SDK1: variants seen among roughly 807,000 people sequenced by gnomAD.
The protein encoded by SDK1 is protein sidekick-1.
SDK1 carries 157 observed loss-of-function variants against 245.5 expected under a neutral mutation model. The ratio of observed to expected loss-of-function variants is 0.64; its 90% CI spans 0.56 to 0.73. SDK1 has a LOEUF of 0.73. SDK1 is among the 30% of genes least tolerant of loss of function. The pLI is 0.00. For synonymous variants in SDK1, 1,647 were observed against 1,278.5 expected (o/e 1.29, Z -6.15); for missense variants, 3,583 against 3,002.3 (o/e 1.19, Z -4.52).
At chr7:3,734,569 C>G (rs900140348) in intron 4 of SDK1, among the ~76,000 whole-genome samples, 17 of 152,244 alleles carry the variant, frequency 1.1e-4, no homozygotes, top group African/African-American at 3.6e-4. Flanking sequence ...GTTCAAGATA[C>G]TATCTAAGAT....
chr7:3,434,547 G>A (rs188346540), intron 1 of SDK1, among the ~76,000 whole-genome samples: 1 of 152,190 alleles, frequency 6.6e-6, no homozygotes, highest in African/African-American at 2.4e-5. Context: ...AGCTCCTTAA[G>A]TATTATCTCC....
chr7:3,626,107 C>G (rs1782112258), intron 2 of SDK1, among the ~76,000 whole-genome samples: 3 of 149,606 alleles, frequency 2.0e-5, no homozygotes, highest in South Asian at 2.1e-4. Flanking sequence ...CCACAACTAG[C>G]TATTTTTTTT....
chr7:4,226,558 G>A (rs1460070260), intron 40 of SDK1, among the ~76,000 whole-genome samples: 5 of 152,226 alleles, frequency 3.3e-5, no homozygotes, highest in African/African-American at 1.2e-4. Context: ...AATGAAATTA[G>A]CACCAGGCTA....
chr7:3,543,328 G>C (rs1460424168), intron 1 of SDK1, among the ~76,000 whole-genome samples: 2 of 152,236 alleles, frequency 1.3e-5, no homozygotes, highest in Admixed American at 1.3e-4. Flanking sequence ...TCTGTTTCAT[G>C]GACGCGATCA....
intron 13 of SDK1, 53 bp downstream of exon 13, chr7:3,974,598 T>C: frequency 2.6e-6 from 4 of 1,560,940 alleles, no homozygotes; most frequent in Non-Finnish European, 3.5e-6. Flanking sequence ...TCCGTTACTG[T>C]GCCCCTGTTA....
At chr7:3,529,613 G>GA (rs1390943168) in intron 1 of SDK1, among the ~76,000 whole-genome samples, 103 of 152,162 alleles carry the variant, frequency 6.8e-4, no homozygotes, top group African/African-American at 2.2e-3. Flanking sequence ...GTAATGGAGT[G>GA]AAAAAAATCA....
intron 1 of SDK1, among the ~76,000 whole-genome samples, chr7:3,554,907 A>G (rs1187313459): frequency 6.6e-6 from 1 of 152,212 alleles, no homozygotes; most frequent in Non-Finnish European, 1.5e-5. Flanking sequence ...GGAAAACTAT[A>G]AAACTTTTTG....
chr7:3,588,057 A>G (rs1354968032), intron 1 of SDK1, among the ~76,000 whole-genome samples: 4 of 152,240 alleles, frequency 2.6e-5, no homozygotes, highest in South Asian at 2.1e-4. Context: ...GATGTTCAGC[A>G]TTTCAAGGAA....
intron 4 of SDK1, among the ~76,000 whole-genome samples, chr7:3,688,921 C>A (rs1011820635): frequency 4.6e-5 from 7 of 152,266 alleles, no homozygotes; most frequent in African/African-American, 1.4e-4. Flanking sequence ...ACCTCCCCGA[C>A]CCTATGATGA....
chr7:4,255,585 G>C (rs1787571560), intron 44 of SDK1, among the ~76,000 whole-genome samples: 1 of 152,174 alleles, frequency 6.6e-6, no homozygotes, highest in African/African-American at 2.4e-5. Flanking sequence ...GCAAAGGCTG[G>C]ATGCGGGACA....
intron 1 of SDK1, among the ~76,000 whole-genome samples, chr7:3,580,269 C>A (rs1285172857): frequency 1.3e-5 from 2 of 152,172 alleles, no homozygotes; most frequent in South Asian, 2.1e-4. Flanking sequence ...CCATAACATT[C>A]TTCACAAAAC....
At chr7:3,647,419 C>G (rs567675560) in intron 4 of SDK1, among the ~76,000 whole-genome samples, 2 of 152,208 alleles carry the variant, frequency 1.3e-5, no homozygotes, top group East Asian at 3.9e-4. Context: ...ATACATCAAG[C>G]TCTTTTCTGT....
chr7:3,384,056 T>C (rs1258904282), intron 1 of SDK1, among the ~76,000 whole-genome samples: 1 of 152,196 alleles, frequency 6.6e-6, no homozygotes. Context: ...TTGTATTTTA[T>C]ACAGAGTTAG....
At chr7:3,553,965 A>G (rs567568845) in intron 1 of SDK1, among the ~76,000 whole-genome samples, 2 of 152,180 alleles carry the variant, frequency 1.3e-5, no homozygotes, top group African/African-American at 2.4e-5. Context: ...AATGCTGCAA[A>G]GGCTCTGAAA....
At chr7:3,998,385 T>C (rs926191603) in intron 14 of SDK1, among the ~76,000 whole-genome samples, 1 of 152,274 alleles carries the variant, frequency 6.6e-6, no homozygotes, top group African/African-American at 2.4e-5. Flanking sequence ...GTTTTGTTTA[T>C]CATGTAATAC....
rs188105128 is a variant in SDK1, at chr7:3,949,417, G to A, written c.848-1506G>A. Among the ~76,000 whole-genome samples the A allele has an allele frequency of 3.9e-4, 59 of 152,316 alleles. 1 individual carries two copies. In the East Asian group the frequency reaches 0.01, roughly 27 times the overall value. On this transcript the variant is annotated intron_variant, in intron 5 of 44. Coordinates refer to ENST00000404826, the MANE Select transcript of SDK1 (RefSeq NM_152744.4). ...AATCAGAGCTGATGAGAAGCCCGTCGTCTCTTTCCCGTTGTTCTCTCTCCG... is the reference window on the plus strand; with the variant it reads ...AATCAGAGCTGATGAGAAGCCCGTCATCTCTTTCCCGTTGTTCTCTCTCCG...
chr7:3,308,334 T>C (rs1779469330), intron 1 of SDK1, among the ~76,000 whole-genome samples: 1 of 152,160 alleles, frequency 6.6e-6, no homozygotes, highest in Non-Finnish European at 1.5e-5. Context: ...TGACCATCAG[T>C]AATGAAAGAG....
intron 1 of SDK1, among the ~76,000 whole-genome samples, chr7:3,521,376 A>G (rs189861098): frequency 4.6e-5 from 7 of 152,280 alleles, no homozygotes; most frequent in African/African-American, 1.7e-4. Flanking sequence ...GGGATCCGGA[A>G]CATGGACATC....
intron 23 of SDK1, among the ~76,000 whole-genome samples, chr7:4,111,791 TA>T (rs1381399765): frequency 1.3e-5 from 2 of 152,264 alleles, no homozygotes; most frequent in Non-Finnish European, 2.9e-5. Flanking sequence ...AGTAAATGTA[TA>T]TGTGCATACT....
Sources: allele counts gnomAD v4.1 joint callset (sites outside exome capture counted in the v4.1 genomes callset), GRCh38; gene constraint gnomAD v4.1.1; transcripts MANE v1.5; gene names NCBI Gene and HGNC (gene_info 2026-07-23, HGNC 2026-07-21).